The following FAM169A variants were observed in gnomAD, a reference collection of about 807,000 sequenced individuals.
FAM169A encodes family with sequence similarity 169 member A, also known as soluble lamin-associated protein of 75 kDa.
A neutral mutation model predicts 75.7 loss-of-function variants in FAM169A; 24 were observed. The observed-to-expected ratio is 0.32, with a 90% CI of 0.23 to 0.45. The LOEUF (loss-of-function observed/expected upper bound fraction) is 0.45, where lower values mean the gene tolerates loss of function less well. Ranked by LOEUF, FAM169A falls within the 20% of genes least tolerant of loss-of-function variation. The pLI is 1.00. For synonymous variants in FAM169A, 271 were observed against 271.0 expected (o/e 1.00, Z 0.00); for missense variants, 673 against 784.0 (o/e 0.86, Z 1.69).
At chr5:74,866,101 G>A in intron 1 of FAM169A, 64 bp downstream of exon 1, 1 of 837,002 alleles carries the variant, frequency 1.2e-6, no homozygotes, top group Non-Finnish European at 1.4e-6. Context: ...CGGGGGCGCG[G>A]GGCCCGGCGC....
At position 74,841,491 on chromosome 5, in the gene FAM169A, T is replaced by A. The variant is rs537719346; in HGVS notation, c.132+54A>T. 14 of 1,335,978 alleles carry A rather than the reference T, an allele frequency of 1.0e-5. No individual in the cohort carries two copies. The East Asian group carries it at 3.5e-4, about 33-fold the overall frequency. The allele number at this position is 1,335,978 out of a possible 1,614,324, so 82.8% of individuals were successfully genotyped here. ...ATTTTTTTAAAAAAGGATATTTATT[T>A]CATGTATAAACTGAACTGAAAAGAT... On this transcript the variant is annotated intron_variant, in intron 2 of 12. Coordinates refer to ENST00000687041, the MANE Select transcript of FAM169A (RefSeq NM_001376049.1).
intron 1 of FAM169A, among the ~76,000 whole-genome samples, chr5:74,852,130 T>C (rs1749473760): frequency 6.6e-6 from 1 of 152,216 alleles, no homozygotes; most frequent in Non-Finnish European, 1.5e-5. Context: ...AATATTCTGC[T>C]GAGTCACAAT....
Position 74,781,997 on chromosome 5 carries a change from T to C in FAM169A, c.1476A>G (p.Ile492Met). ...CATCCATCAACATTTCTGAGTCAGGTATACGTGGGGTCTGAAAATTAAAAA... is the reference window on the plus strand; with the variant it reads ...CATCCATCAACATTTCTGAGTCAGGCATACGTGGGGTCTGAAAATTAAAAA... Reference protein sequence around the residue: ...EVDAPDKTPRIPDSEMLMDEG... With the variant: ...EVDAPDKTPRMPDSEMLMDEG... Residue 492 changes from isoleucine (I) to methionine (M), a missense_variant, in exon 13 of 13, where the codon ATA becomes ATG. Coordinates refer to ENST00000687041, the MANE Select transcript of FAM169A (RefSeq NM_001376049.1). 1 of 1,606,172 alleles carries C rather than the reference T, an allele frequency of 6.2e-7. No individual in the cohort carries two copies. The highest frequency in any genetic ancestry group is 8.5e-7 in the Non-Finnish European group (1 of 1,174,802).
chr5:74,798,986 TAAG>T lies in FAM169A; in HGVS notation c.1103+1891_1103+1893del, dbSNP rs1746421239. On this transcript the variant is annotated intron_variant, in intron 10 of 12. Coordinates refer to ENST00000687041, the MANE Select transcript of FAM169A (RefSeq NM_001376049.1). ...CCAGCTTTCTCTCCTTTGAAAACAC[TAAG>T]AATAATGTCACTGCATCAGTTTTTA... is the stretch of plus-strand genomic sequence containing the variant. The T allele has an allele frequency of 7.7e-6, 9 of 1,172,514 alleles. No homozygotes were observed. The Admixed American group carries it at 1.5e-4, about 20-fold the overall frequency. The allele number at this position is 1,172,514 out of a possible 1,614,324, so 72.6% of individuals were successfully genotyped here.
chr5:74,850,839 A>G (rs1018742844), intron 1 of FAM169A, among the ~76,000 whole-genome samples: 1 of 152,250 alleles, frequency 6.6e-6, no homozygotes, highest in Non-Finnish European at 1.5e-5. Context: ...AAAGGTCATG[A>G]ATAGAAAATT....
At chr5:74,785,977 A>G (rs1468411103) in intron 11 of FAM169A, among the ~76,000 whole-genome samples, 2 of 152,210 alleles carry the variant, frequency 1.3e-5, no homozygotes, top group Non-Finnish European at 2.9e-5. Flanking sequence ...CATTTGAGTC[A>G]GTGGACTGGG....
intron 8 of FAM169A, among the ~76,000 whole-genome samples, chr5:74,803,920 T>G (rs535524927): frequency 1.8e-4 from 28 of 152,280 alleles, no homozygotes; most frequent in African/African-American, 6.5e-4. Flanking sequence ...CATATATAAA[T>G]GTGTTTGCTC....
intron 1 of FAM169A, among the ~76,000 whole-genome samples, chr5:74,864,872 A>T (rs1269255285): frequency 6.6e-6 from 1 of 152,234 alleles, no homozygotes; most frequent in African/African-American, 2.4e-5. Context: ...AAAACAAGCA[A>T]AACTAAAACA....
chr5:74,786,217 G>A (rs931020521), intron 11 of FAM169A, among the ~76,000 whole-genome samples: 1 of 152,138 alleles, frequency 6.6e-6, no homozygotes, highest in Non-Finnish European at 1.5e-5. Flanking sequence ...AGCCTATTGT[G>A]GGACCTTGTG....
intron 1 of FAM169A, among the ~76,000 whole-genome samples, chr5:74,862,222 A>G (rs1294712403): frequency 6.6e-6 from 1 of 152,196 alleles, no homozygotes; most frequent in African/African-American, 2.4e-5. Flanking sequence ...AGAGAACCCC[A>G]TTCTGTTCAT....
chr5:74,814,064 A>T, intron 5 of FAM169A, 45 bp from the exon 6 acceptor site: 1 of 1,413,980 alleles, frequency 7.1e-7, no homozygotes, highest in Non-Finnish European at 9.4e-7. Flanking sequence ...CACATTAAAA[A>T]ATATACATAC....
chr5:74,805,565 A>G (rs893879371), intron 6 of FAM169A, among the ~76,000 whole-genome samples: 68 of 102,298 alleles, frequency 6.6e-4, no homozygotes, highest in Non-Finnish European at 6.0e-4. Context: ...GAGTCTTGCT[A>G]TGTCGCCCAG....
chr5:74,865,005 C>G (rs1399788124), intron 1 of FAM169A, among the ~76,000 whole-genome samples: 1 of 152,212 alleles, frequency 6.6e-6, no homozygotes, highest in African/African-American at 2.4e-5. Context: ...AAAATAAAAA[C>G]GCATGGCACA....
At chr5:74,838,937 AAC>A in intron 4 of FAM169A, 26 bp downstream of exon 4, 1 of 1,515,940 alleles carries the variant, frequency 6.6e-7, no homozygotes, top group Non-Finnish European at 9.2e-7. Flanking sequence ...CCTCAAAAGA[AAC>A]ACTCAAAATT....
chr5:74,819,721 T>C (rs1017947041), intron 5 of FAM169A, among the ~76,000 whole-genome samples: 3 of 152,120 alleles, frequency 2.0e-5, no homozygotes, highest in Admixed American at 6.5e-5. Context: ...TATTTGGTCA[T>C]AAAAAGGAAT....
chr5:74,821,960 C>G (rs966986704), intron 5 of FAM169A, among the ~76,000 whole-genome samples: 2 of 152,210 alleles, frequency 1.3e-5, no homozygotes, highest in African/African-American at 4.8e-5. Flanking sequence ...AGCCTCAGTT[C>G]TCTTCAATGG....
chr5:74,800,425 T>C (rs189689207), intron 10 of FAM169A, among the ~76,000 whole-genome samples: 1 of 152,314 alleles, frequency 6.6e-6, no homozygotes, highest in East Asian at 1.9e-4. Flanking sequence ...AAACTGACTA[T>C]ATCTCAGCAT....
At chr5:74,826,734 T>C (rs1021953450) in intron 5 of FAM169A, among the ~76,000 whole-genome samples, 5 of 152,208 alleles carry the variant, frequency 3.3e-5, no homozygotes, top group Non-Finnish European at 7.4e-5. Context: ...TAACATCCTA[T>C]ATAGCCAAAA....
chr5:74,788,814 C>A (rs1745827270), intron 11 of FAM169A, among the ~76,000 whole-genome samples: 1 of 152,150 alleles, frequency 6.6e-6, no homozygotes, highest in South Asian at 2.1e-4. Context: ...GTGGTGATTC[C>A]CATCACATCA....
Sources: allele counts gnomAD v4.1 joint callset (sites outside exome capture counted in the v4.1 genomes callset), GRCh38; gene constraint gnomAD v4.1.1; transcripts MANE v1.5; gene names NCBI Gene and HGNC (gene_info 2026-07-23, HGNC 2026-07-21).